The following ROBO1 variants were observed in gnomAD, a reference collection of about 807,000 sequenced individuals.
ROBO1 encodes the protein roundabout guidance receptor 1.
A neutral mutation model predicts 195.9 loss-of-function variants in ROBO1; 149 were observed. The observed-to-expected ratio is 0.76, with a 90% CI of 0.67 to 0.87. ROBO1 has a LOEUF of 0.87. Among genes scored for constraint, ROBO1 ranks in the 40% least tolerant of loss-of-function variants. ROBO1 has a pLI of 0.00. For synonymous variants in ROBO1, 816 were observed against 733.2 expected (o/e 1.11, Z -1.82); for missense variants, 1,933 against 2,068.3 (o/e 0.93, Z 1.27).
At chr3:79,204,650 C>G (rs1420352448) in intron 2 of ROBO1, among the ~76,000 whole-genome samples, 2 of 152,166 alleles carry the variant, frequency 1.3e-5, no homozygotes, top group Non-Finnish European at 2.9e-5. Flanking sequence ...CTGCACAACT[C>G]TACACTCTGT....
At position 78,627,295 on chromosome 3, in the gene ROBO1, A is replaced by C. The variant is rs58959999; in HGVS notation, c.3875+26T>G. On this transcript the variant is annotated intron_variant, in intron 26 of 30. Transcript: ENST00000464233. ...AGGAGTAGAAATTATCTGATTTGTT[A>C]GCAAAGAAGGCTAGTGACAACATAC... 2,793 of 1,599,444 alleles carry C rather than the reference A, an allele frequency of 1.7e-3. 43 individuals carry two copies. The African/African-American group carries it at 0.033, about 19-fold the overall frequency.
intron 4 of ROBO1, among the ~76,000 whole-genome samples, chr3:78,935,506 C>G (rs1020546432): frequency 1.6e-4 from 25 of 152,000 alleles, no homozygotes; most frequent in African/African-American, 5.6e-4. Context: ...CAATTTGTGA[C>G]AGGCATAACA....
chr3:79,529,223 C>T (rs777338838), intron 2 of ROBO1, among the ~76,000 whole-genome samples: 9 of 152,110 alleles, frequency 5.9e-5, no homozygotes, highest in Non-Finnish European at 1.0e-4. Flanking sequence ...TGGCTCATGC[C>T]TGTAATCCCA....
Position 78,639,553 on chromosome 3 carries a change from A to T in ROBO1, c.3037+191T>A, listed in dbSNP as rs374356218. 9.2e-5 allele frequency among the ~76,000 whole-genome samples: 14 copies of T among 152,326 alleles called. No homozygotes were observed. The East Asian group carries it at 2.5e-3, about 27-fold the overall frequency. On this transcript the variant is annotated intron_variant, in intron 22 of 30. Transcript: ENST00000464233. The stretch of plus-strand genomic sequence containing the variant: ...TCTCTGGGCAAAACTTTTTTGGTGG[A>T]CTTTAGCAAAGTATGGAGGTTAAGG...
At chr3:79,100,456 G>A (rs2079654864) in intron 3 of ROBO1, among the ~76,000 whole-genome samples, 1 of 151,486 alleles carries the variant, frequency 6.6e-6, no homozygotes, top group Non-Finnish European at 1.5e-5. Context: ...GAAGAGAAGA[G>A]TGAGCAGGTT....
At chr3:79,700,128 C>A (rs970530351) in intron 1 of ROBO1, among the ~76,000 whole-genome samples, 12 of 151,734 alleles carry the variant, frequency 7.9e-5, no homozygotes, top group African/African-American at 2.9e-4. Context: ...AGGATAATAG[C>A]CTCCAGCTGC....
At chr3:79,063,370 T>C (rs982259959) in intron 3 of ROBO1, among the ~76,000 whole-genome samples, 3 of 151,926 alleles carry the variant, frequency 2.0e-5, no homozygotes, top group Non-Finnish European at 4.4e-5. Flanking sequence ...ACAACGTTAG[T>C]GTTGTTTCAT....
Position 79,106,733 on chromosome 3 carries a change from T to C in ROBO1, c.172+18723A>G, listed in dbSNP as rs563987463. ...CAGACACTAAAAAAAAAATGTAAGT[T>C]AAAAATATATACACATCAAAGCACA... On this transcript the variant is annotated intron_variant, in intron 3 of 30. Transcript: ENST00000464233. Among the ~76,000 whole-genome samples, 34 of 151,588 alleles carry C rather than the reference T, an allele frequency of 2.2e-4. No individual in the cohort carries two copies. In the East Asian group the frequency reaches 4.9e-3, roughly 22 times the overall value.
At chr3:79,142,562 C>T (rs934967149) in intron 2 of ROBO1, among the ~76,000 whole-genome samples, 6 of 152,132 alleles carry the variant, frequency 3.9e-5, no homozygotes, top group Non-Finnish European at 8.8e-5. Context: ...GTAGCCTCTG[C>T]ACATGTTTAG....
chr3:79,385,635 A>G (rs1054510867), intron 2 of ROBO1, among the ~76,000 whole-genome samples: 4 of 152,132 alleles, frequency 2.6e-5, no homozygotes, highest in Admixed American at 1.3e-4. Context: ...TAACACCCCT[A>G]GGCTGAATGC....
chr3:79,300,439 C>G (rs2032865651), intron 2 of ROBO1, among the ~76,000 whole-genome samples: 1 of 152,344 alleles, frequency 6.6e-6, no homozygotes, highest in African/African-American at 2.4e-5. Context: ...TCTCACTGGG[C>G]GTTAGCTGCC....
intron 1 of ROBO1, among the ~76,000 whole-genome samples, chr3:79,622,776 G>T (rs1322417666): frequency 1.3e-5 from 2 of 152,210 alleles, no homozygotes; most frequent in Non-Finnish European, 2.9e-5. Context: ...AGATGAGTGG[G>T]TTTCCTCCTA....
At chr3:79,232,262 T>C (rs747280961) in intron 2 of ROBO1, among the ~76,000 whole-genome samples, 8 of 142,310 alleles carry the variant, frequency 5.6e-5, no homozygotes, top group Non-Finnish European at 1.1e-4. Context: ...AAAAAAAAAA[T>C]ATATATATAT....
chr3:78,679,265 C>A (rs1379849316), intron 10 of ROBO1, among the ~76,000 whole-genome samples: 17 of 151,950 alleles, frequency 1.1e-4, no homozygotes, highest in Non-Finnish European at 2.4e-4. Flanking sequence ...AAAACTGGCA[C>A]AAGACAGGGA....
Position 78,922,372 on chromosome 3 carries a change from A to T in ROBO1, c.499+16229T>A, listed in dbSNP as rs376157482. 4.9e-4 allele frequency among the ~76,000 whole-genome samples: 74 copies of T among 152,048 alleles called. 5 individuals carry two copies. The South Asian group carries it at 0.016, about 33-fold the overall frequency. On this transcript the variant is annotated intron_variant, in intron 4 of 30. Transcript: ENST00000464233. ...TTACCTACCAATGTATCCTAGACAG[A>T]CACTCAAAGGTCCTATCATCAGGCT... is the stretch of plus-strand genomic sequence containing the variant.
At chr3:79,569,447 G>T (rs1389071302) in intron 2 of ROBO1, among the ~76,000 whole-genome samples, 1 of 152,014 alleles carries the variant, frequency 6.6e-6, no homozygotes, top group African/African-American at 2.4e-5. Flanking sequence ...AATAATCCAA[G>T]GTGAGATCAT....
At chr3:79,434,877 G>A (rs1014621445) in intron 2 of ROBO1, among the ~76,000 whole-genome samples, 2 of 152,172 alleles carry the variant, frequency 1.3e-5, no homozygotes, top group Non-Finnish European at 2.9e-5. Context: ...GGAATACTAT[G>A]TAGCCATAAA....
At chr3:79,466,933 A>G (rs2107295590) in intron 2 of ROBO1, among the ~76,000 whole-genome samples, 1 of 152,298 alleles carries the variant, frequency 6.6e-6, no homozygotes, top group South Asian at 2.1e-4. Flanking sequence ...AAGATGGTGG[A>G]AACTATGATA....
intron 4 of ROBO1, among the ~76,000 whole-genome samples, chr3:78,771,644 T>TTG (rs377298665): frequency 1.3e-5 from 2 of 152,154 alleles, no homozygotes; most frequent in African/African-American, 4.8e-5. Flanking sequence ...GGTATTTTAT[T>TTG]TGTGTGTGTG....
Sources: allele counts gnomAD v4.1 joint callset (sites outside exome capture counted in the v4.1 genomes callset), GRCh38; gene constraint gnomAD v4.1.1; transcripts MANE v1.5; gene names NCBI Gene and HGNC (gene_info 2026-07-23, HGNC 2026-07-21).